The following ST8SIA6 variants were observed in gnomAD, a reference collection of about 807,000 sequenced individuals.
ST8SIA6 encodes the protein alpha-2,8-sialyltransferase 8F.
ST8SIA6 carries 39 observed loss-of-function variants against 33.6 expected under a neutral mutation model. That is an observed-to-expected ratio of 1.16 (90% confidence interval 0.90 to 1.52). The LOEUF is 1.52. Ranked by LOEUF, ST8SIA6 falls within the 40% of genes most tolerant of loss-of-function variation. The probability of loss-of-function intolerance (pLI) is 0.00; values close to 1 mark genes in which losing one functional copy is unlikely to be tolerated. For synonymous variants in ST8SIA6, 172 were observed against 167.2 expected (o/e 1.03, Z -0.22); for missense variants, 441 against 443.8 (o/e 0.99, Z 0.06).
chr10:17,370,365 A>G (rs1849692786), intron 3 of ST8SIA6, among the ~76,000 whole-genome samples: 1 of 151,764 alleles, frequency 6.6e-6, no homozygotes, highest in African/African-American at 2.4e-5. Context: ...TATGTCTGCT[A>G]TTTTACTTTT....
At chr10:17,410,069 C>T (rs961600613) in intron 2 of ST8SIA6, 5 of 152,156 alleles carry the variant, frequency 3.3e-5, no homozygotes, top group Admixed American at 6.5e-5. Context: ...CACATGTGAG[C>T]AGTGAACAGA....
intron 3 of ST8SIA6, among the ~76,000 whole-genome samples, chr10:17,360,970 AAGAAGG>A (rs1221754557): frequency 2.0e-5 from 3 of 151,808 alleles, no homozygotes; most frequent in African/African-American, 7.3e-5. Flanking sequence ...GGAGGAGAAG[AAGAAGG>A]AGAAGAAGAG....
chr10:17,328,626 T>C (rs1376323032), intron 5 of ST8SIA6, among the ~76,000 whole-genome samples: 1 of 152,188 alleles, frequency 6.6e-6, no homozygotes. Flanking sequence ...TATTTTTAAT[T>C]TCCTTTAATT....
chr10:17,376,014 A>T (rs7067643), intron 3 of ST8SIA6, among the ~76,000 whole-genome samples: 56,357 of 151,964 alleles, frequency 0.37, 10,705 homozygotes, highest in East Asian at 0.6. Context: ...TACACACTTG[A>T]TGCTACAAGC....
chr10:17,343,610 T>A (rs1044650335), intron 4 of ST8SIA6, among the ~76,000 whole-genome samples: 1 of 151,652 alleles, frequency 6.6e-6, no homozygotes, highest in East Asian at 1.9e-4. Flanking sequence ...AATGGGCACA[T>A]GAAATAAAAC....
At chr10:17,430,587 G>C (rs1338163993) in intron 2 of ST8SIA6, among the ~76,000 whole-genome samples, 1 of 152,046 alleles carries the variant, frequency 6.6e-6, no homozygotes, top group Non-Finnish European at 1.5e-5. Flanking sequence ...TTTTTTGCCA[G>C]AGTAAGGTGG....
intron 4 of ST8SIA6, among the ~76,000 whole-genome samples, chr10:17,354,196 G>A (rs1849121720): frequency 6.6e-6 from 1 of 152,126 alleles, no homozygotes; most frequent in East Asian, 1.9e-4. Flanking sequence ...GAAGAACTGG[G>A]GAAGGAGGAC....
At chr10:17,410,315 G>C (rs1351799461) in intron 2 of ST8SIA6, 1 of 152,202 alleles carries the variant, frequency 6.6e-6, no homozygotes, top group East Asian at 1.9e-4. Flanking sequence ...ATCGTACTGA[G>C]ACAGTTTTAT....
At chr10:17,452,155 ATAAAAC>A (rs1852935934) in intron 2 of ST8SIA6, among the ~76,000 whole-genome samples, 1 of 152,178 alleles carries the variant, frequency 6.6e-6, no homozygotes, top group African/African-American at 2.4e-5. Context: ...CCTGAATAGA[ATAAAAC>A]TATAGGACAC....
intron 4 of ST8SIA6, among the ~76,000 whole-genome samples, chr10:17,358,847 C>T (rs146695183): frequency 8.5e-4 from 129 of 152,216 alleles, no homozygotes; most frequent in Non-Finnish European, 1.7e-3. Flanking sequence ...GCAATCTAGA[C>T]CAAGCACAGA....
intron 2 of ST8SIA6, among the ~76,000 whole-genome samples, chr10:17,432,999 A>G (rs79619749): frequency 6.6e-6 from 1 of 152,142 alleles, no homozygotes; most frequent in African/African-American, 2.4e-5. Flanking sequence ...CACTCTGACA[A>G]TGAGGCATCC....
At chr10:17,453,430 C>T (rs1564472753) in intron 2 of ST8SIA6, 129 bp downstream of exon 2, 3 of 635,070 alleles carry the variant, frequency 4.7e-6, no homozygotes, top group Non-Finnish European at 6.8e-6. Flanking sequence ...CAAACACACG[C>T]ACACTCTTAC....
intron 3 of ST8SIA6, among the ~76,000 whole-genome samples, chr10:17,361,410 T>C (rs995794971): frequency 2.0e-5 from 3 of 151,904 alleles, no homozygotes; most frequent in Non-Finnish European, 4.4e-5. Context: ...TGGAGATATG[T>C]GTTGAAAGAC....
rs1848018688 is a variant in ST8SIA6, at chr10:17,323,231, A to ACGCGCACGCG, written c.636-75_636-74insCGCGTGCGCG. 7 of 228,918 alleles carry ACGCGCACGCG rather than the reference A, an allele frequency of 3.1e-5. No individual in the cohort carries two copies. The East Asian group carries it at 4.6e-4, about 15-fold the overall frequency. The allele number at this position is 228,918 out of a possible 1,614,324, so 14.2% of individuals were successfully genotyped here. On this transcript the variant is annotated intron_variant, in intron 6 of 7. Transcript: ENST00000377602. ...AGATTGTATACACACATATGCGCGC[A>ACGCGCACGCG]CACACACACACACACACACCTATCT...
In ST8SIA6 at chr10:17,319,016, T is replaced by C. The variant is rs540315177; in HGVS notation, c.*1862A>G. Among the ~76,000 whole-genome samples, 2 of 152,260 alleles carry C rather than the reference T, an allele frequency of 1.3e-5. No homozygotes were observed. The highest frequency in any genetic ancestry group is 4.1e-4 in the South Asian group (2 of 4,826). On this transcript the variant is annotated 3_prime_UTR_variant, in exon 8 of 8. Transcript: ENST00000377602. The stretch of plus-strand genomic sequence containing the variant: ...TTAGTTCTCTGCAACACACTGACTA[T>C]GCTAGAAAGAGAGTAGGAGAGCTTC...
At chr10:17,335,826 T>C (rs1354499846) in intron 4 of ST8SIA6, among the ~76,000 whole-genome samples, 1 of 152,206 alleles carries the variant, frequency 6.6e-6, no homozygotes, top group African/African-American at 2.4e-5. Context: ...AAAAGCAACA[T>C]AATAAATTCT....
At chr10:17,376,121 A>G (rs1435991491) in intron 3 of ST8SIA6, among the ~76,000 whole-genome samples, 1 of 152,192 alleles carries the variant, frequency 6.6e-6, no homozygotes, top group Non-Finnish European at 1.5e-5. Context: ...TCTAACATCT[A>G]GAAGGGTCAG....
chr10:17,385,027 T>TG (rs1850283030), intron 3 of ST8SIA6, among the ~76,000 whole-genome samples: 2 of 152,160 alleles, frequency 1.3e-5, no homozygotes, highest in Non-Finnish European at 2.9e-5. Context: ...TTTGTTTGTT[T>TG]TTTTGTAAAA....
intron 6 of ST8SIA6, among the ~76,000 whole-genome samples, chr10:17,323,987 T>C (rs1423585896): frequency 6.6e-6 from 1 of 152,170 alleles, no homozygotes; most frequent in Non-Finnish European, 1.5e-5. Context: ...ATTATGGTTT[T>C]AATAAATAAA....
Sources: allele counts gnomAD v4.1 joint callset (sites outside exome capture counted in the v4.1 genomes callset), GRCh38; gene constraint gnomAD v4.1.1; transcripts MANE v1.5; gene names NCBI Gene and HGNC (gene_info 2026-07-23, HGNC 2026-07-21).